The following PPFIA2 variants were observed in gnomAD, a reference collection of about 807,000 sequenced individuals.
PPFIA2 encodes the protein liprin-alpha-2.
In PPFIA2, 46 loss-of-function variants were observed where a neutral mutation model predicts 175.5. The ratio of observed to expected loss-of-function variants is 0.26; its 90% confidence interval spans 0.21 to 0.34. PPFIA2 has a LOEUF of 0.34. Among genes scored for constraint, PPFIA2 ranks in the 10% least tolerant of loss-of-function variants. PPFIA2 has a pLI of 1.00. For missense variants in PPFIA2, 1,179 were observed against 1,506.1 expected (o/e 0.78, Z 3.60); for synonymous variants, 568 against 511.4 (o/e 1.11, Z -1.49).
chr12:81,591,145 G>GAGAGCAAAGGTA (rs2058629070), intron 4 of PPFIA2, among the ~76,000 whole-genome samples: 1 of 152,030 alleles, frequency 6.6e-6, no homozygotes, highest in Non-Finnish European at 1.5e-5. Context: ...GAGCAAAGGT[G>GAGAGCAAAGGTA]ACCCTTGTTA....
intron 3 of PPFIA2, among the ~76,000 whole-genome samples, chr12:81,680,281 C>G (rs1235914970): frequency 6.6e-6 from 1 of 151,834 alleles, no homozygotes; most frequent in African/African-American, 2.4e-5. Context: ...TTGCTATGTG[C>G]CAGGTACTTT....
chr12:81,535,937 A>G (rs1257743769), intron 4 of PPFIA2, among the ~76,000 whole-genome samples: 1 of 151,784 alleles, frequency 6.6e-6, no homozygotes, highest in Non-Finnish European at 1.5e-5. Context: ...GGTAACATCT[A>G]GGAAGAAAGC....
At chr12:81,663,482 T>G (rs1355363392) in intron 4 of PPFIA2, among the ~76,000 whole-genome samples, 1 of 151,956 alleles carries the variant, frequency 6.6e-6, no homozygotes, top group Non-Finnish European at 1.5e-5. Context: ...CAACTTACAA[T>G]GGATGGAAGG....
intron 4 of PPFIA2, among the ~76,000 whole-genome samples, chr12:81,527,659 A>G (rs67487838): frequency 0.014 from 2,172 of 152,088 alleles, 35 homozygotes; most frequent in Non-Finnish European, 0.021. Flanking sequence ...ACAATTTATT[A>G]TATATTTCTG....
At chr12:81,519,134 G>A (rs2062810628) in intron 4 of PPFIA2, among the ~76,000 whole-genome samples, 1 of 151,984 alleles carries the variant, frequency 6.6e-6, no homozygotes, top group South Asian at 2.1e-4. Context: ...CCTTTTAAAT[G>A]GAAATTACCT....
intron 8 of PPFIA2, among the ~76,000 whole-genome samples, chr12:81,397,945 C>T (rs1425111109): frequency 1.3e-5 from 2 of 151,860 alleles, no homozygotes; most frequent in Non-Finnish European, 2.9e-5. Flanking sequence ...TAATGCCTGA[C>T]TATCTGTCAC....
chr12:81,299,248 A>T (rs2047228954), intron 23 of PPFIA2, 53 bp downstream of exon 23: 1 of 1,511,208 alleles, frequency 6.6e-7, no homozygotes. Flanking sequence ...TCTCAAAAAA[A>T]TTATCAACTT....
In PPFIA2 at chr12:81,718,389, G is replaced by C. The variant is rs139165300; in HGVS notation, c.249+35584C>G. Among the ~76,000 whole-genome samples the C allele has an allele frequency of 5.3e-3, 809 of 151,706 alleles. 7 individuals are homozygous for C. The highest frequency in any genetic ancestry group is 0.018 in the African/African-American group (727 of 41,466). ...TAGAATGTTCTAGAATGTGTGAGAA[G>C]TGGGATGTGGCTGAAGTGTTAAGGA... On this transcript the variant is annotated intron_variant, in intron 3 of 32. Transcript: ENST00000549396.
intron 4 of PPFIA2, among the ~76,000 whole-genome samples, chr12:81,655,125 G>T (rs1184884271): frequency 6.6e-6 from 1 of 151,650 alleles, no homozygotes; most frequent in Non-Finnish European, 1.5e-5. Context: ...TCTTATCTTT[G>T]ATTGTCTGTA....
At chr12:81,725,149 A>G (rs1425755467) in intron 3 of PPFIA2, among the ~76,000 whole-genome samples, 3 of 150,880 alleles carry the variant, frequency 2.0e-5, no homozygotes, top group African/African-American at 7.3e-5. Context: ...TTTTTCAGTT[A>G]TGTCAGATCA....
chr12:81,416,388 A>G (rs1240492163), intron 7 of PPFIA2, among the ~76,000 whole-genome samples: 2 of 151,606 alleles, frequency 1.3e-5, no homozygotes, highest in African/African-American at 4.8e-5. Context: ...GAAGTGCCCT[A>G]CCAAAGATAA....
At chr12:81,432,912 A>C (rs1209359422) in intron 7 of PPFIA2, among the ~76,000 whole-genome samples, 1 of 152,126 alleles carries the variant, frequency 6.6e-6, no homozygotes, top group African/African-American at 2.4e-5. Flanking sequence ...GCATCAAATT[A>C]TGCCAACTTT....
chr12:81,595,534 A>G (rs539861268), intron 4 of PPFIA2, among the ~76,000 whole-genome samples: 83 of 152,234 alleles, frequency 5.5e-4, no homozygotes, highest in African/African-American at 2.0e-3. Context: ...CTGCAGGCAC[A>G]AGTATATTCA....
chr12:81,459,839 T>C (rs2054217478), intron 4 of PPFIA2, among the ~76,000 whole-genome samples: 1 of 152,220 alleles, frequency 6.6e-6, no homozygotes, highest in South Asian at 2.1e-4. Context: ...TTATACCACC[T>C]TGCTCTCTAA....
intron 3 of PPFIA2, among the ~76,000 whole-genome samples, chr12:81,701,732 ATTCT>A (rs773781936): frequency 1.3e-5 from 2 of 152,102 alleles, no homozygotes; most frequent in Non-Finnish European, 2.9e-5. Flanking sequence ...ATATTCTACT[ATTCT>A]TTCTGTCAGT....
intron 3 of PPFIA2, among the ~76,000 whole-genome samples, chr12:81,679,898 C>T (rs1474168947): frequency 6.6e-6 from 1 of 151,880 alleles, no homozygotes; most frequent in Non-Finnish European, 1.5e-5. Context: ...AAAACAAATA[C>T]TTGAGGAACT....
chr12:81,426,112 C>T (rs568631711), intron 7 of PPFIA2, among the ~76,000 whole-genome samples: 2 of 152,292 alleles, frequency 1.3e-5, no homozygotes, highest in East Asian at 3.9e-4. Flanking sequence ...GGAGCTTTCT[C>T]TCCCAACTTC....
intron 4 of PPFIA2, among the ~76,000 whole-genome samples, chr12:81,599,860 C>A (rs1370932885): frequency 3.3e-5 from 5 of 151,866 alleles, no homozygotes; most frequent in Admixed American, 3.3e-4. Flanking sequence ...CCCCTAATCC[C>A]ATGAAATCAT....
intron 4 of PPFIA2, among the ~76,000 whole-genome samples, chr12:81,483,622 T>G (rs2058495234): frequency 6.6e-6 from 1 of 151,920 alleles, no homozygotes; most frequent in Non-Finnish European, 1.5e-5. Context: ...CTCAACTCTG[T>G]GAATAAGCTA....
Sources: gnomAD v4.1 joint callset for allele counts (sites outside exome capture counted in the v4.1 genomes callset) on GRCh38, gnomAD v4.1.1 for gene constraint, MANE v1.5 for transcripts, NCBI Gene and HGNC (gene_info 2026-07-23, HGNC 2026-07-21) for gene names.